The following GRIA2 variants were observed in gnomAD, a reference collection of about 807,000 sequenced individuals.
The protein encoded by GRIA2 is glutamate ionotropic receptor AMPA type subunit 2, also known as glutamate receptor 2.
A neutral mutation model predicts 97.3 loss-of-function variants in GRIA2; 14 were observed. The observed-to-expected ratio is 0.14, with a 90% CI of 0.10 to 0.23. The LOEUF (loss-of-function observed/expected upper bound fraction) is 0.23. Ranked by LOEUF, GRIA2 falls within the 10% of genes least tolerant of loss-of-function variation. The pLI, the probability that GRIA2 is intolerant of heterozygous loss-of-function variation, is 1.00. For synonymous variants in GRIA2, 412 were observed against 387.8 expected (o/e 1.06, Z -0.73); for missense variants, 558 against 1,069.8 (o/e 0.52, Z 6.67).
chr4:157,261,222 A>G (rs1731517195), intron 2 of GRIA2, among the ~76,000 whole-genome samples: 1 of 152,084 alleles, frequency 6.6e-6, no homozygotes, highest in Admixed American at 6.6e-5. Flanking sequence ...GGAACTTCTA[A>G]ATAAAGTTGA....
At chr4:157,322,572 T>C (rs897213468) in intron 6 of GRIA2, among the ~76,000 whole-genome samples, 4 of 152,196 alleles carry the variant, frequency 2.6e-5, no homozygotes, top group African/African-American at 9.7e-5. Context: ...ATTTCTGCTG[T>C]TGACAGGAAG....
chr4:157,303,454 T>C, intron 2 of GRIA2, 98 bp from the exon 3 acceptor site: 1 of 946,776 alleles, frequency 1.1e-6, no homozygotes, highest in South Asian at 1.6e-5. Flanking sequence ...TATGTTAATT[T>C]TGTATTTTAT....
At chr4:157,254,789 T>G (rs1208137086) in intron 2 of GRIA2, among the ~76,000 whole-genome samples, 1 of 152,070 alleles carries the variant, frequency 6.6e-6, no homozygotes, top group Non-Finnish European at 1.5e-5. Context: ...GTCAAAGATA[T>G]AAGTAGAGGA....
chr4:157,233,342 C>T (rs1253458302), intron 2 of GRIA2, among the ~76,000 whole-genome samples: 2 of 152,106 alleles, frequency 1.3e-5, no homozygotes, highest in Non-Finnish European at 2.9e-5. Flanking sequence ...TGAACAATTT[C>T]AAACTCTCAT....
intron 7 of GRIA2, 125 bp downstream of exon 7, chr4:157,333,111 C>A: frequency 1.0e-6 from 1 of 956,184 alleles, no homozygotes; most frequent in Non-Finnish European, 1.6e-6. Flanking sequence ...TTTCTAACAA[C>A]ACAAAGGTAG....
intron 12 of GRIA2, among the ~76,000 whole-genome samples, chr4:157,356,102 T>G (rs1292029015): frequency 7.9e-6 from 1 of 125,938 alleles, no homozygotes; most frequent in East Asian, 2.1e-4. Context: ...TTTATATATT[T>G]ATATTTATTT....
chr4:157,255,119 C>T (rs1191942628), intron 2 of GRIA2, among the ~76,000 whole-genome samples: 1 of 151,990 alleles, frequency 6.6e-6, no homozygotes, highest in Non-Finnish European at 1.5e-5. Flanking sequence ...ATTCCACACT[C>T]TATGGCCATG....
chr4:157,321,473 T>G lies in GRIA2; in HGVS notation c.756T>G (p.Phe252Leu), dbSNP rs1194956973. The change falls in exon 6 of 16, where the codon TTT becomes TTG. Residue 252 changes from phenylalanine (F) to leucine (L), a missense_variant. Phe to Leu is a conservative substitution (Grantham distance 22, BLOSUM62 0). Transcript: ENST00000264426. ...FTDGDLLKIQ[F>L]GGANVSGFQI... is the part of the protein sequence containing the mutation. ...ATGGAGACCTATTAAAAATCCAGTT[T>G]GGAGGTGCAAATGTCTCTGGATTTC... The G allele has an allele frequency of 6.2e-7, 1 of 1,610,814 alleles. No individual in the cohort carries two copies. Among genetic ancestry groups the G allele is most frequent in the Admixed American group, 1.7e-5 (1 of 59,962 alleles).
chr4:157,339,351 T>G (rs1441941643), intron 11 of GRIA2, among the ~76,000 whole-genome samples: 2 of 152,020 alleles, frequency 1.3e-5, no homozygotes, highest in African/African-American at 4.8e-5. Context: ...TACTTTTAAT[T>G]GTAGAAGTAA....
intron 2 of GRIA2, among the ~76,000 whole-genome samples, chr4:157,238,166 T>C (rs1219291966): frequency 1.3e-5 from 2 of 152,160 alleles, no homozygotes; most frequent in African/African-American, 4.8e-5. Context: ...ATTTATAACA[T>C]AAATTTGATT....
chr4:157,277,388 G>T (rs1247054143), intron 2 of GRIA2, among the ~76,000 whole-genome samples: 1 of 151,820 alleles, frequency 6.6e-6, no homozygotes, highest in African/African-American at 2.4e-5. Flanking sequence ...ATCCTCAGTG[G>T]ATAAAGAATG....
intron 6 of GRIA2, among the ~76,000 whole-genome samples, chr4:157,322,242 AGTGTGT>A (rs35080512): frequency 0.059 from 8,159 of 137,162 alleles, 246 homozygotes; most frequent in Admixed American, 0.12. Context: ...AGAGAGAGAG[AGTGTGT>A]GTGTGTGTGT....
chr4:157,339,384 A>G (rs532518935), intron 11 of GRIA2, among the ~76,000 whole-genome samples: 29 of 152,110 alleles, frequency 1.9e-4, no homozygotes, highest in Non-Finnish European at 3.7e-4. Context: ...ACCATAAAAT[A>G]ATATTGAATT....
chr4:157,221,291 CA>C (rs2126668210), intron 1 of GRIA2, 161 bp downstream of exon 1: 1 of 606,420 alleles, frequency 1.6e-6, no homozygotes, highest in East Asian at 2.7e-5. Flanking sequence ...TAGGATGAAG[CA>C]AAAGGAAAAG....
intron 2 of GRIA2, among the ~76,000 whole-genome samples, chr4:157,282,195 G>T (rs74333866): frequency 6.6e-6 from 1 of 152,056 alleles, no homozygotes; most frequent in Non-Finnish European, 1.5e-5. Context: ...CCATTGTGCG[G>T]TCCCAAAGTC....
chr4:157,251,877 G>T (rs924212680), intron 2 of GRIA2, among the ~76,000 whole-genome samples: 4 of 152,110 alleles, frequency 2.6e-5, no homozygotes, highest in Non-Finnish European at 4.4e-5. Flanking sequence ...AATTCTCAAA[G>T]TGTTGTGTTA....
At chr4:157,360,431 A>C (rs1386366253) in intron 13 of GRIA2, among the ~76,000 whole-genome samples, 1 of 151,462 alleles carries the variant, frequency 6.6e-6, no homozygotes, top group Non-Finnish European at 1.5e-5. Context: ...GTTTAGCTTT[A>C]CTTTGTTTGA....
intron 12 of GRIA2, among the ~76,000 whole-genome samples, chr4:157,358,934 A>C (rs986736777): frequency 5.3e-5 from 8 of 152,186 alleles, no homozygotes; most frequent in Non-Finnish European, 1.2e-4. Flanking sequence ...TAAGTTTTAA[A>C]AGTAAGTCTT....
chr4:157,266,655 C>T (rs748271760), intron 2 of GRIA2, among the ~76,000 whole-genome samples: 1 of 151,852 alleles, frequency 6.6e-6, no homozygotes, highest in Admixed American at 6.6e-5. Flanking sequence ...AGGTGTGGGC[C>T]ATGGACTTAT....
Sources: gnomAD v4.1 joint callset for allele counts (sites outside exome capture counted in the v4.1 genomes callset) on GRCh38, gnomAD v4.1.1 for gene constraint, MANE v1.5 for transcripts, NCBI Gene and HGNC (gene_info 2026-07-23, HGNC 2026-07-21) for gene names.